Variants in EYS observed in about 807,000 individuals in gnomAD.
EYS encodes the protein EGF-like photoreceptor maintenance factor.
EYS carries 250 observed loss-of-function variants against 282.1 expected under a neutral mutation model. The ratio of observed to expected loss-of-function variants is 0.89; its 90% confidence interval spans 0.80 to 0.98. EYS has a LOEUF of 0.98. Among genes scored for constraint, EYS ranks in the 50% least tolerant of loss-of-function variants. The probability of loss-of-function intolerance (pLI) is 0.00; values close to 1 mark genes in which losing one functional copy is unlikely to be tolerated. For missense variants in EYS, 4,016 were observed against 3,709.0 expected, an observed-to-expected ratio of 1.08 and a Z score of -2.15; for synonymous variants, 1,355 against 1,282.9, an observed-to-expected ratio of 1.06 and a Z score of -1.20.
chr6:64,506,971 G>GT (rs36120803), intron 26 of EYS, among the ~76,000 whole-genome samples: 1,853 of 117,938 alleles, frequency 0.016, 27 homozygotes, highest in Non-Finnish European at 0.021. Flanking sequence ...TCCAGTTTCA[G>GT]TTTTTTTTTT....
intron 41 of EYS, among the ~76,000 whole-genome samples, chr6:63,759,583 A>T (rs1406168500): frequency 6.6e-6 from 1 of 152,134 alleles, no homozygotes; most frequent in African/African-American, 2.4e-5. Context: ...TTTTATGACT[A>T]TTATAAGTTC....
rs1226707546 is a variant in EYS at position 64,393,902 on chromosome 6, T to C, written c.5928-5062A>G. ...AAAACCCCATTGTCTCAGCCCAAAA[T>C]CTCCTTAAGCTGATAAGCAACTTCA... On this transcript the variant is annotated intron_variant, in intron 28 of 42. Coordinates refer to ENST00000503581, the MANE Select transcript of EYS (RefSeq NM_001142800.2). Among the ~76,000 whole-genome samples, 7 of 151,872 alleles carry C rather than the reference T, an allele frequency of 4.6e-5. No individual in the cohort carries two copies. The East Asian group carries it at 9.7e-4, about 21-fold the overall frequency.
In EYS at chr6:65,406,220, A is replaced by G. The variant is rs575690416; in HGVS notation, c.863-853T>C. Among the ~76,000 whole-genome samples the G allele has an allele frequency of 2.0e-5, 3 of 152,260 alleles. No individual in the cohort carries two copies. The South Asian group carries it at 6.2e-4, about 32-fold the overall frequency. ...TGTATTAATCATTTGTATATCTTCA[A>G]AAATGAAATGTCTTTTTAAATCTAT... On this transcript the variant is annotated intron_variant, in intron 5 of 42. Coordinates refer to ENST00000503581, the MANE Select transcript of EYS (RefSeq NM_001142800.2).
intron 22 of EYS, among the ~76,000 whole-genome samples, chr6:64,688,521 T>A: frequency 6.6e-6 from 1 of 152,230 alleles, no homozygotes; most frequent in Non-Finnish European, 1.5e-5. Context: ...AGTTTCCATG[T>A]AATTGAGTGG....
In EYS at chr6:65,399,342, C is replaced by T. The variant is rs146677101; in HGVS notation, c.1184+3136G>A. On this transcript the variant is annotated intron_variant, in intron 7 of 42. Coordinates refer to ENST00000503581, the MANE Select transcript of EYS (RefSeq NM_001142800.2). ...AAACAAATTAGTCATTTCATGTCAC[C>T]GCCCAAGTCAAGACCTTCCATTTCA... Among the ~76,000 whole-genome samples, 7 of 151,672 alleles carry T rather than the reference C, an allele frequency of 4.6e-5. No individual in the cohort carries two copies. In the East Asian group the frequency reaches 5.8e-4, roughly 13 times the overall value.
chr6:63,763,514 G>T (rs1451628131), intron 40 of EYS, among the ~76,000 whole-genome samples: 3 of 151,926 alleles, frequency 2.0e-5, no homozygotes, highest in Non-Finnish European at 4.4e-5. Flanking sequence ...GGAGGGACCA[G>T]GTGGAGAAAA....
chr6:65,617,102 G>A (rs2149798623), intron 2 of EYS, among the ~76,000 whole-genome samples: 1 of 152,222 alleles, frequency 6.6e-6, no homozygotes, highest in African/African-American at 2.4e-5. Flanking sequence ...TTCAGTTCAG[G>A]TGATTTTAAA....
At chr6:64,962,449 G>A (rs560563294) in intron 14 of EYS, among the ~76,000 whole-genome samples, 6 of 152,046 alleles carry the variant, frequency 3.9e-5, no homozygotes, top group Non-Finnish European at 4.4e-5. Flanking sequence ...AGAACAAGTA[G>A]GTGGGGCATG....
At position 63,951,101 on chromosome 6, in the gene EYS, C is replaced by A. The variant is rs534235440; in HGVS notation, c.7055+33282G>T. Reference sequence around the variant, plus strand: ...CTCACCCCTTCTCTCCGTGTCTCTACCCTCTCTTTTGTCTGAGCTTGCCTC... The same window carrying A: ...CTCACCCCTTCTCTCCGTGTCTCTAACCTCTCTTTTGTCTGAGCTTGCCTC... On this transcript the variant is annotated intron_variant, in intron 35 of 42. Coordinates refer to ENST00000503581, the MANE Select transcript of EYS (RefSeq NM_001142800.2). Among the ~76,000 whole-genome samples the A allele has an allele frequency of 2.0e-5, 3 of 152,138 alleles. No individual in the cohort carries two copies. In the East Asian group the frequency reaches 5.8e-4, roughly 30 times the overall value.
chr6:64,766,015 G>A (rs901679539), intron 22 of EYS, among the ~76,000 whole-genome samples: 1 of 151,894 alleles, frequency 6.6e-6, no homozygotes, highest in Non-Finnish European at 1.5e-5. Flanking sequence ...TATTAGCTAG[G>A]CTATGGGAAA....
intron 22 of EYS, among the ~76,000 whole-genome samples, chr6:64,642,855 C>A (rs1248567564): frequency 6.6e-6 from 1 of 152,216 alleles, no homozygotes; most frequent in Non-Finnish European, 1.5e-5. Flanking sequence ...GTGGCTCACG[C>A]CTGTAATCCC....
At chr6:64,188,441 T>C (rs1327299980) in intron 31 of EYS, among the ~76,000 whole-genome samples, 2 of 152,166 alleles carry the variant, frequency 1.3e-5, no homozygotes, top group African/African-American at 4.8e-5. Context: ...TTTTTTAACA[T>C]ATGTATGTCT....
intron 8 of EYS, among the ~76,000 whole-genome samples, chr6:65,379,680 T>C (rs1431235248): frequency 1.3e-5 from 2 of 151,918 alleles, no homozygotes; most frequent in South Asian, 4.2e-4. Flanking sequence ...TCAAGTTGTG[T>C]CTGTTTGCAG....
At chr6:64,667,206 ATATAT>A (rs1365104527) in intron 22 of EYS, among the ~76,000 whole-genome samples, 1 of 149,198 alleles carries the variant, frequency 6.7e-6, no homozygotes, top group African/African-American at 2.4e-5. Context: ...ATAATATAAA[ATATAT>A]TATTTCCTCT....
At chr6:65,362,890 T>C (rs1487805561) in intron 8 of EYS, among the ~76,000 whole-genome samples, 1 of 152,018 alleles carries the variant, frequency 6.6e-6, no homozygotes, top group Non-Finnish European at 1.5e-5. Flanking sequence ...TGCTTTAAAT[T>C]CAAAAAAAGA....
chr6:64,062,079 T>C (rs1040813572), intron 33 of EYS, among the ~76,000 whole-genome samples: 4 of 152,190 alleles, frequency 2.6e-5, no homozygotes, highest in African/African-American at 9.7e-5. Context: ...CTAACTCACA[T>C]GCTTTTTAGG....
At chr6:63,986,319 T>C (rs1767363735) in intron 34 of EYS, among the ~76,000 whole-genome samples, 1 of 151,836 alleles carries the variant, frequency 6.6e-6, no homozygotes, top group Non-Finnish European at 1.5e-5. Context: ...TATACACTGT[T>C]GGTGGGAATG....
chr6:65,418,177 C>A, intron 5 of EYS, among the ~76,000 whole-genome samples: 1 of 151,994 alleles, frequency 6.6e-6, no homozygotes, highest in East Asian at 1.9e-4. Context: ...GCCTAAGTTC[C>A]TATTTAATAA....
chr6:64,927,132 G>A (rs543747455), intron 15 of EYS, among the ~76,000 whole-genome samples: 1 of 152,080 alleles, frequency 6.6e-6, no homozygotes, highest in Non-Finnish European at 1.5e-5. Context: ...AAGGCAAAAT[G>A]TAACATGCTA....
Sources: allele counts gnomAD v4.1 joint callset (sites outside exome capture counted in the v4.1 genomes callset), GRCh38; gene constraint gnomAD v4.1.1; transcripts MANE v1.5; gene names NCBI Gene and HGNC (gene_info 2026-07-23, HGNC 2026-07-21).